DENND4C: variants seen among roughly 807,000 people sequenced by gnomAD.
The protein encoded by DENND4C is DENN domain containing 4C, also known as DENN domain-containing protein 4C.
Under a neutral mutation model 203.0 loss-of-function variants are expected in DENND4C, and 108 were observed. That is an observed-to-expected ratio of 0.53 (90% CI 0.46 to 0.62). DENND4C has a LOEUF of 0.62. DENND4C is among the 20% of genes least tolerant of loss of function. The pLI is 0.00. For synonymous variants in DENND4C, 871 were observed against 792.4 expected (o/e 1.10, Z -1.67); for missense variants, 2,481 against 2,301.2 (o/e 1.08, Z -1.60).
chr9:19,307,827 C>T (rs1197233058), intron 10 of DENND4C, among the ~76,000 whole-genome samples: 3 of 151,630 alleles, frequency 2.0e-5, no homozygotes, highest in African/African-American at 4.8e-5. Context: ...AGATAGTCCT[C>T]CACAACCATA....
At chr9:19,309,683 T>C (rs1290330132) in intron 10 of DENND4C, among the ~76,000 whole-genome samples, 1 of 152,134 alleles carries the variant, frequency 6.6e-6, no homozygotes, top group African/African-American at 2.4e-5. Context: ...TACCATCTTA[T>C]TAAGCTCCAC....
intron 28 of DENND4C, 129 bp from the exon 29 acceptor site, chr9:19,360,115 C>G: frequency 1.1e-6 from 1 of 916,176 alleles, no homozygotes; most frequent in African/African-American, 1.7e-5. Flanking sequence ...AGCATATTCT[C>G]TTGCATGTAG....
At chr9:19,311,068 A>G (rs2131464689) in intron 10 of DENND4C, among the ~76,000 whole-genome samples, 1 of 152,248 alleles carries the variant, frequency 6.6e-6, no homozygotes, top group South Asian at 2.1e-4. Flanking sequence ...ATTTTTATCA[A>G]AAAAATTTAT....
intron 20 of DENND4C, chr9:19,337,717 T>G (rs1563817938): frequency 8.7e-7 from 1 of 1,152,950 alleles, no homozygotes; most frequent in Admixed American, 2.4e-5. Flanking sequence ...CCTGCAAGGG[T>G]GGGGGAAAGA....
intron 10 of DENND4C, among the ~76,000 whole-genome samples, chr9:19,310,128 A>G (rs960207937): frequency 2.0e-5 from 3 of 152,130 alleles, no homozygotes; most frequent in Non-Finnish European, 1.5e-5. Context: ...TAGTGGTCTT[A>G]TATCTAGCAA....
intron 9 of DENND4C, among the ~76,000 whole-genome samples, chr9:19,302,159 A>G (rs1406512704): frequency 6.6e-6 from 1 of 152,216 alleles, no homozygotes; most frequent in Non-Finnish European, 1.5e-5. Flanking sequence ...ATGCAAAATT[A>G]TTTATAAGTC....
chr9:19,307,755 G>A (rs1269250496), intron 10 of DENND4C, among the ~76,000 whole-genome samples: 2 of 144,462 alleles, frequency 1.4e-5, no homozygotes, highest in African/African-American at 5.2e-5. Context: ...GGGCGACAGA[G>A]CGAGACTCTG....
chr9:19,236,338 G>A (rs1268807316), intron 1 of DENND4C, among the ~76,000 whole-genome samples: 1 of 152,208 alleles, frequency 6.6e-6, no homozygotes, highest in Non-Finnish European at 1.5e-5. Context: ...GTGGATTAGA[G>A]AAGGTTTACA....
intron 1 of DENND4C, among the ~76,000 whole-genome samples, chr9:19,268,049 A>G (rs1830866820): frequency 6.7e-6 from 1 of 150,136 alleles, no homozygotes. Flanking sequence ...TTCTGGTGGT[A>G]TGTTTTAATG....
intron 16 of DENND4C, among the ~76,000 whole-genome samples, chr9:19,331,603 C>A (rs961547735): frequency 3.3e-5 from 5 of 152,124 alleles, no homozygotes; most frequent in African/African-American, 1.2e-4. Context: ...CCTAGAGCAT[C>A]TTAAACTTTA....
At chr9:19,283,758 G>C (rs961269223) in intron 2 of DENND4C, among the ~76,000 whole-genome samples, 14 of 151,568 alleles carry the variant, frequency 9.2e-5, no homozygotes, top group African/African-American at 2.4e-4. Flanking sequence ...ACCATGCCAG[G>C]CTAATTTTTT....
At position 19,305,540 on chromosome 9, in the gene DENND4C, A is replaced by G. The variant is rs113068028; in HGVS notation, c.1487+13A>G. On this transcript the variant is annotated intron_variant, in intron 10 of 32. Coordinates refer to ENST00000434457, the MANE Select transcript of DENND4C (RefSeq NM_001330640.2). ...ACATGTTATATGTGTAAGTTGATTC[A>G]TTTTATATTATCTCCCATTTATATT... 1.9e-4 allele frequency: 301 copies of G among 1,601,558 alleles called. No homozygotes were observed. The African/African-American group carries it at 3.6e-3, about 19-fold the overall frequency.
Position 19,246,416 on chromosome 9 carries a change from C to G in DENND4C, c.-18+15583C>G, listed in dbSNP as rs558460107. 1.8e-4 allele frequency among the ~76,000 whole-genome samples: 28 copies of G among 152,248 alleles called. 1 individual carries two copies. Among genetic ancestry groups the G allele is most frequent in the African/African-American group, 6.7e-4 (28 of 41,554 alleles). On this transcript the variant is annotated intron_variant, in intron 1 of 32. Coordinates refer to ENST00000434457, the MANE Select transcript of DENND4C (RefSeq NM_001330640.2). The stretch of plus-strand genomic sequence containing the variant: ...TATGTAATCTCTTTCCTTCTAGACT[C>G]TTAGCTGTTTTTTAGAAAATTATTA...
At chr9:19,271,210 T>TTTTTTTTTTTTTTAG in intron 1 of DENND4C, among the ~76,000 whole-genome samples, 1 of 151,028 alleles carries the variant, frequency 6.6e-6, no homozygotes. Context: ...TCTTTTTTTT[T>TTTTTTTTTTTTTTAG]TTTTTTTTTG....
At chr9:19,295,229 G>A (rs551188995) in intron 5 of DENND4C, among the ~76,000 whole-genome samples, 2 of 152,194 alleles carry the variant, frequency 1.3e-5, no homozygotes, top group Admixed American at 1.3e-4. Flanking sequence ...AAATTAGGCC[G>A]GGCGCAGTGG....
chr9:19,241,798 GC>G (rs1318293813), intron 1 of DENND4C, among the ~76,000 whole-genome samples: 1 of 151,874 alleles, frequency 6.6e-6, no homozygotes, highest in Non-Finnish European at 1.5e-5. Flanking sequence ...TGGGACGATC[GC>G]TTGAGCTCAG....
intron 1 of DENND4C, among the ~76,000 whole-genome samples, chr9:19,275,501 C>G (rs938165819): frequency 6.6e-6 from 1 of 151,802 alleles, no homozygotes; most frequent in Non-Finnish European, 1.5e-5. Flanking sequence ...GATGGAGTTT[C>G]TCTCTTTCAC....
At chr9:19,348,096 G>A (rs1479755949) in intron 23 of DENND4C, among the ~76,000 whole-genome samples, 2 of 152,298 alleles carry the variant, frequency 1.3e-5, no homozygotes, top group African/African-American at 4.8e-5. Context: ...CCTAGGTACT[G>A]TTATAAGCTA....
At chr9:19,328,770 C>T (rs191307282) in intron 16 of DENND4C, among the ~76,000 whole-genome samples, 128 of 151,920 alleles carry the variant, frequency 8.4e-4, no homozygotes, top group African/African-American at 2.6e-3. Context: ...AGGAATTGGC[C>T]GGGCGCAGTG....
Sources: gnomAD v4.1 joint callset for allele counts (sites outside exome capture counted in the v4.1 genomes callset) on GRCh38, gnomAD v4.1.1 for gene constraint, MANE v1.5 for transcripts, NCBI Gene and HGNC (gene_info 2026-07-23, HGNC 2026-07-21) for gene names.